LONP2: variants seen among roughly 807,000 people sequenced by gnomAD.
LONP2 encodes lon peptidase 2, peroxisomal, also known as lon protease homolog 2, peroxisomal.
In LONP2, 60 loss-of-function variants were observed where a neutral mutation model predicts 85.6. The observed-to-expected ratio is 0.70, with a 90% CI of 0.57 to 0.87. The LOEUF (loss-of-function observed/expected upper bound fraction) is 0.87. Ranked by LOEUF, LONP2 falls within the 40% of genes least tolerant of loss-of-function variation. The pLI is 0.00. For synonymous variants in LONP2, 395 were observed against 389.7 expected (o/e 1.01, Z -0.16); for missense variants, 860 against 1,063.5 (o/e 0.81, Z 2.66).
chr16:48,262,983 G>C (rs1971909347), intron 6 of LONP2, 111 bp downstream of exon 6: 3 of 708,986 alleles, frequency 4.2e-6, no homozygotes, highest in Non-Finnish European at 2.3e-6. Context: ...AATTATTTTT[G>C]TTTTCAATTT....
rs915512953 is a variant in LONP2, at chr16:48,347,562, T to C, written c.1994T>C (p.Leu665Ser). The C allele has an allele frequency of 1.2e-6, 2 of 1,614,082 alleles. No homozygotes were observed. The highest frequency in any genetic ancestry group is 1.7e-6 in the Non-Finnish European group (2 of 1,180,028). Residue 665 changes from leucine to serine, a missense_variant, in exon 13 of 15, where the codon TTA (leucine) becomes TCA (serine). Leu to Ser is a moderately radical substitution (Grantham distance 145). Coordinates refer to ENST00000285737, the MANE Select transcript of LONP2 (RefSeq NM_031490.5). ...GVAIGLAWTP[L>S]GGEIMFVEAS... The stretch of plus-strand genomic sequence containing the variant: ...GCAATAGGTTTGGCTTGGACTCCCT[T>C]AGGTGGAGAAATCATGTTCGTGGAG...
At chr16:48,324,640 G>A (rs1223739803) in intron 11 of LONP2, among the ~76,000 whole-genome samples, 2 of 152,132 alleles carry the variant, frequency 1.3e-5, no homozygotes, top group African/African-American at 4.8e-5. Context: ...CACAGATGTT[G>A]ATAAAATTTA....
chr16:48,348,699 G>A (rs746336136), intron 14 of LONP2, among the ~76,000 whole-genome samples: 40 of 151,954 alleles, frequency 2.6e-4, no homozygotes, highest in Non-Finnish European at 4.7e-4. Flanking sequence ...TCTCTGTGTT[G>A]TCCAGGCTTG....
chr16:48,247,068 C>T (rs188432081), intron 1 of LONP2, among the ~76,000 whole-genome samples: 32 of 152,410 alleles, frequency 2.1e-4, no homozygotes, highest in African/African-American at 6.5e-4. Flanking sequence ...CATAGAAGTC[C>T]GGCATTATAA....
intron 11 of LONP2, among the ~76,000 whole-genome samples, chr16:48,324,650 A>G (rs1973332366): frequency 6.6e-6 from 1 of 152,240 alleles, no homozygotes; most frequent in South Asian, 2.1e-4. Context: ...GATAAAATTT[A>G]AGAATTACAT....
intron 8 of LONP2, among the ~76,000 whole-genome samples, chr16:48,278,796 G>A (rs74016388): frequency 0.014 from 2,096 of 152,112 alleles, 48 homozygotes; most frequent in African/African-American, 0.048. Context: ...AATTCTTCCT[G>A]TTCTTTGGTT....
At chr16:48,310,197 A>G (rs1390791474) in intron 11 of LONP2, among the ~76,000 whole-genome samples, 1 of 152,122 alleles carries the variant, frequency 6.6e-6, no homozygotes, top group African/African-American at 2.4e-5. Flanking sequence ...CTTTAACAGT[A>G]AGGCAAATTT....
chr16:48,297,357 C>A (rs1972695531), intron 9 of LONP2, among the ~76,000 whole-genome samples: 1 of 152,066 alleles, frequency 6.6e-6, no homozygotes, highest in South Asian at 2.1e-4. Context: ...GTCACCCAGG[C>A]TGGAATGCAG....
At chr16:48,304,684 A>G (rs2151002915) in intron 11 of LONP2, among the ~76,000 whole-genome samples, 1 of 152,352 alleles carries the variant, frequency 6.6e-6, no homozygotes, top group South Asian at 2.1e-4. Flanking sequence ...CATCTGGGCA[A>G]CGGAGCGAGA....
chr16:48,283,693 G>A (rs777008628), intron 8 of LONP2, among the ~76,000 whole-genome samples: 3 of 152,194 alleles, frequency 2.0e-5, no homozygotes, highest in Non-Finnish European at 4.4e-5. Flanking sequence ...TCACCCAAGA[G>A]CTGTGATGGA....
At chr16:48,254,231 G>A (rs768589160) in intron 2 of LONP2, among the ~76,000 whole-genome samples, 9 of 152,148 alleles carry the variant, frequency 5.9e-5, no homozygotes, top group Non-Finnish European at 1.0e-4. Context: ...TCTGTCTTGC[G>A]TCAACTCTAG....
chr16:48,337,678 C>T (rs1055815996), intron 12 of LONP2, among the ~76,000 whole-genome samples: 1 of 152,216 alleles, frequency 6.6e-6, no homozygotes, highest in African/African-American at 2.4e-5. Context: ...CTGTTCTTTG[C>T]ACCTCACAAG....
At chr16:48,256,510 AGACT>A in intron 2 of LONP2, 96 bp from the exon 3 acceptor site, 1 of 1,265,094 alleles carries the variant, frequency 7.9e-7, no homozygotes, top group South Asian at 1.3e-5. Context: ...TCAAAAACAA[AGACT>A]GAGGCCCAAA....
chr16:48,260,340 T>C (rs536780785), intron 4 of LONP2, among the ~76,000 whole-genome samples: 3 of 152,348 alleles, frequency 2.0e-5, no homozygotes, highest in South Asian at 2.1e-4. Flanking sequence ...CTCATGCCTG[T>C]AATCCCAGCA....
chr16:48,328,650 C>T (rs2151020711), intron 11 of LONP2, among the ~76,000 whole-genome samples: 1 of 150,066 alleles, frequency 6.7e-6, no homozygotes, highest in Non-Finnish European at 1.5e-5. Flanking sequence ...TGCCCTCTAG[C>T]CTGGGTGACA....
At chr16:48,325,274 C>T (rs1394090277) in intron 11 of LONP2, among the ~76,000 whole-genome samples, 1 of 152,196 alleles carries the variant, frequency 6.6e-6, no homozygotes, top group Non-Finnish European at 1.5e-5. Context: ...CCGCTGCTCA[C>T]CTCCTCCTGA....
chr16:48,285,418 A>T (rs148128746), intron 8 of LONP2, among the ~76,000 whole-genome samples: 4 of 152,234 alleles, frequency 2.6e-5, no homozygotes, highest in African/African-American at 9.6e-5. Flanking sequence ...TTCTTCAAAT[A>T]TTCTTTATGC....
At chr16:48,264,863 C>T (rs929534013) in intron 6 of LONP2, among the ~76,000 whole-genome samples, 1 of 152,192 alleles carries the variant, frequency 6.6e-6, no homozygotes, top group Non-Finnish European at 1.5e-5. Context: ...CCTGACTTCC[C>T]GCAACACGCT....
At chr16:48,288,355 A>G (rs1474023519) in intron 8 of LONP2, among the ~76,000 whole-genome samples, 2 of 151,816 alleles carry the variant, frequency 1.3e-5, no homozygotes, top group African/African-American at 2.4e-5. Flanking sequence ...GGCTTTCACC[A>G]TGTTGGTTAG....
Sources: gnomAD v4.1 joint callset for allele counts (sites outside exome capture counted in the v4.1 genomes callset) on GRCh38, gnomAD v4.1.1 for gene constraint, MANE v1.5 for transcripts, NCBI Gene and HGNC (gene_info 2026-07-23, HGNC 2026-07-21) for gene names.